XDH: variants seen among roughly 807,000 people sequenced by gnomAD.
XDH encodes xanthine dehydrogenase/oxidase.
A neutral mutation model predicts 156.1 loss-of-function variants in XDH; 138 were observed. The observed-to-expected ratio is 0.88, with a 90% CI of 0.77 to 1.02. The LOEUF is 1.02. Among genes scored for constraint, XDH ranks in the 50% least tolerant of loss-of-function variants. The pLI, the probability that XDH is intolerant of heterozygous loss-of-function variation, is 0.00. For missense variants in XDH, 1,849 were observed against 1,684.9 expected, an observed-to-expected ratio of 1.10 and a Z score of -1.71; for synonymous variants, 669 against 625.7, an observed-to-expected ratio of 1.07 and a Z score of -1.03.
intron 16 of XDH, 79 bp downstream of exon 16, chr2:31,373,794 T>A: frequency 7.0e-7 from 1 of 1,425,500 alleles, no homozygotes; most frequent in Non-Finnish European, 9.8e-7. Flanking sequence ...AAGTTAGTCA[T>A]TAGCCGATGG....
intron 27 of XDH, 52 bp downstream of exon 27, chr2:31,348,847 G>T: frequency 6.5e-7 from 1 of 1,527,462 alleles, no homozygotes; most frequent in Non-Finnish European, 9.1e-7. Context: ...AAACAACAGG[G>T]AAATGGGGTC....
At chr2:31,398,779 C>A in intron 4 of XDH, 80 bp from the exon 5 acceptor site, 2 of 1,599,048 alleles carry the variant, frequency 1.3e-6, no homozygotes, top group East Asian at 4.5e-5. Context: ...GGAGCCAGCA[C>A]ATGTTGAGAG....
At chr2:31,352,124 C>T (rs1685497413) in intron 24 of XDH, among the ~76,000 whole-genome samples, 1 of 152,078 alleles carries the variant, frequency 6.6e-6, no homozygotes, top group Admixed American at 6.5e-5. Flanking sequence ...ATGATTTGGA[C>T]CTCTTGAACT....
chr2:31,367,493 C>T (rs1201635340), intron 20 of XDH, among the ~76,000 whole-genome samples: 1 of 152,106 alleles, frequency 6.6e-6, no homozygotes, highest in African/African-American at 2.4e-5. Context: ...AGGTAGTCAG[C>T]TGTGTTGTCC....
chr2:31,364,188 A>G lies in XDH; in HGVS notation c.2601T>C (p.Asn867=), dbSNP rs756657972. 1.2e-6 allele frequency: 2 copies of G among 1,614,124 alleles called. No individual in the cohort carries two copies. Among genetic ancestry groups the G allele is most frequent in the South Asian group, 2.2e-5 (2 of 91,078 alleles). The change falls in exon 24 of 36, where the codon AAT becomes AAC. Residue 867 remains asparagine (N), a synonymous_variant. Transcript: ENST00000379416. The part of the protein sequence containing the change: ...VVALEVDHFS[N]VGNTQDLSQS... ...GAGAGAGATCCTGGGTGTTCCCCACATTGCTGAAGTGGTCCACCTCAAGAG... is the reference window on the plus strand; with the variant it reads ...GAGAGAGATCCTGGGTGTTCCCCACGTTGCTGAAGTGGTCCACCTCAAGAG...
intron 24 of XDH, among the ~76,000 whole-genome samples, chr2:31,356,250 C>T (rs914342567): frequency 6.6e-6 from 1 of 152,136 alleles, no homozygotes; most frequent in Non-Finnish European, 1.5e-5. Flanking sequence ...TAGAAGAACT[C>T]AACACCACCA....
intron 24 of XDH, among the ~76,000 whole-genome samples, chr2:31,356,900 G>A (rs1209191608): frequency 1.3e-5 from 2 of 152,086 alleles, no homozygotes; most frequent in South Asian, 2.1e-4. Context: ...AAAACGGAAT[G>A]AAACTAGAAA....
intron 6 of XDH, among the ~76,000 whole-genome samples, chr2:31,392,195 CTTAG>C (rs1686784507): frequency 6.6e-6 from 1 of 151,074 alleles, no homozygotes; most frequent in African/African-American, 2.4e-5. Context: ...TCTTTTTTTT[CTTAG>C]TTAGCCTGGC....
chr2:31,406,070 G>C (rs1315237689), intron 1 of XDH, 106 bp from the exon 2 acceptor site: 1 of 1,298,764 alleles, frequency 7.7e-7, no homozygotes, highest in Admixed American at 1.8e-5. Flanking sequence ...AGAGTTAGTA[G>C]GAAGTGTGAT....
chr2:31,383,726 C>G, intron 10 of XDH, 29 bp downstream of exon 10: 2 of 1,606,852 alleles, frequency 1.2e-6, no homozygotes, highest in South Asian at 2.2e-5. Flanking sequence ...CACAGCCCCT[C>G]CATAAGCTTG....
At position 31,386,416 on chromosome 2, in the gene XDH, A is replaced by G. The variant is rs1686595949; in HGVS notation, c.791T>C (p.Ile264Thr). ...DAKLVVGNTEIGIEMKFKNML... is the reference protein window; with the variant it reads ...DAKLVVGNTETGIEMKFKNML... The stretch of plus-strand genomic sequence containing the variant: ...AGGGCAGCCTCCCTGGCCCTTACCA[A>G]TCTCCGTGTTCCCCACGACCAGCTT... Residue 264 changes from isoleucine (I) to threonine (T), a missense_variant and splice_region_variant, in exon 9 of 36, where the codon ATT (isoleucine) becomes ACT (threonine). Physicochemically the swap from Ile to Thr is moderately conservative, Grantham distance 89. Coordinates refer to ENST00000379416, the MANE Select transcript of XDH (RefSeq NM_000379.4). The G allele has an allele frequency of 3.1e-6, 5 of 1,612,858 alleles. No homozygotes were observed. Among genetic ancestry groups the G allele is most frequent in the Non-Finnish European group, 4.2e-6 (5 of 1,179,986 alleles).
chr2:31,361,365 A>G (rs1281036680), intron 24 of XDH, among the ~76,000 whole-genome samples: 1 of 152,250 alleles, frequency 6.6e-6, no homozygotes, highest in African/African-American at 2.4e-5. Context: ...TGAAGTATTT[A>G]TCTCCAGCTT....
At chr2:31,343,072 C>A (rs1685167095) in intron 31 of XDH, among the ~76,000 whole-genome samples, 2 of 151,740 alleles carry the variant, frequency 1.3e-5, no homozygotes, top group Admixed American at 6.6e-5. Context: ...AAAAACAAAA[C>A]CAATATGGGG....
In XDH at chr2:31,388,845, G is replaced by C. The variant is rs1686683474; in HGVS notation, c.496-550C>G. On this transcript the variant is annotated intron_variant, in intron 6 of 35. Coordinates refer to ENST00000379416, the MANE Select transcript of XDH (RefSeq NM_000379.4). ...CTTATTAGGCACTTCTTCCCAGAAA[G>C]GTAAACACCCTTCACTCCTCACTGT... Among the ~76,000 whole-genome samples, 3 of 152,310 alleles carry C rather than the reference G, an allele frequency of 2.0e-5. No homozygotes were observed. The South Asian group carries it at 6.2e-4, about 32-fold the overall frequency.
At position 31,335,461 on chromosome 2, in the gene XDH, C is replaced by T. The variant is rs1684948942; in HGVS notation, c.*497G>A. The T allele has an allele frequency of 1.0e-5, 2 of 193,142 alleles. No individual in the cohort carries two copies. The highest frequency in any genetic ancestry group is 2.0e-4 in the South Asian group (2 of 9,824). The allele number at this position is 193,142 out of a possible 1,614,324, so 12.0% of individuals were successfully genotyped here. A position where few individuals can be genotyped will look rare whatever the true frequency, so the allele number is the denominator to read the frequency against. Reference sequence around the variant, plus strand: ...AAGATGGTTAGAGGATTTAACCTTACCCCACTGCCTCATTGCAAAATTTGA... The same window carrying T: ...AAGATGGTTAGAGGATTTAACCTTATCCCACTGCCTCATTGCAAAATTTGA... On this transcript the variant is annotated 3_prime_UTR_variant, in exon 36 of 36. Coordinates refer to ENST00000379416, the MANE Select transcript of XDH (RefSeq NM_000379.4).
rs751405277 is a variant in XDH at position 31,381,675 on chromosome 2, C to T, written c.1090G>A (p.Val364Met). 63 of 1,614,084 alleles carry T rather than the reference C, an allele frequency of 3.9e-5. No homozygotes were observed. Among genetic ancestry groups the T allele is most frequent in the Non-Finnish European group, 4.6e-5 (54 of 1,180,012 alleles). The change falls in exon 12 of 36, where the codon GTG becomes ATG. Residue 364 changes from valine to methionine, a missense_variant. Coordinates refer to ENST00000379416, the MANE Select transcript of XDH (RefSeq NM_000379.4). ...TASPISDLNP[V>M]FMASGAKLTL... ...AGCTTGGCCCCACTGGCCATGAACACGGGGTTGAGGTCGGAGATGGGGCTG... is the reference window on the plus strand; with the variant it reads ...AGCTTGGCCCCACTGGCCATGAACATGGGGTTGAGGTCGGAGATGGGGCTG...
intron 18 of XDH, among the ~76,000 whole-genome samples, chr2:31,369,800 C>A (rs1686024822): frequency 6.6e-6 from 1 of 152,204 alleles, no homozygotes; most frequent in South Asian, 2.1e-4. Flanking sequence ...TTCAGAAGTA[C>A]CCACTCATGT....
intron 3 of XDH, among the ~76,000 whole-genome samples, chr2:31,402,528 A>T (rs1037165916): frequency 9.9e-5 from 15 of 152,118 alleles, no homozygotes; most frequent in Non-Finnish European, 1.8e-4. Context: ...GGCTTCCTGG[A>T]GGGGGTGATA....
chr2:31,349,656 A>T lies in XDH; in HGVS notation c.2969+30T>A, dbSNP rs573671251. 2,854 of 1,614,006 alleles carry T rather than the reference A, an allele frequency of 1.8e-3. 46 individuals carry two copies. The African/African-American group carries it at 0.034, about 19-fold the overall frequency. On this transcript the variant is annotated intron_variant, in intron 26 of 35. Transcript: ENST00000379416. ...GGCTGTAGGATATGAAACCCAGAAG[A>T]GCAACTGGACTTCTACTCCTAGTGC...
Sources: allele counts gnomAD v4.1 joint callset (sites outside exome capture counted in the v4.1 genomes callset), GRCh38; gene constraint gnomAD v4.1.1; transcripts MANE v1.5; gene names NCBI Gene and HGNC (gene_info 2026-07-23, HGNC 2026-07-21).